The following GABRB2 variants were observed in gnomAD, a reference collection of about 807,000 sequenced individuals.
The protein encoded by GABRB2 is gamma-aminobutyric acid type A receptor subunit beta2, also known as gamma-aminobutyric acid receptor subunit beta-2.
In GABRB2, 16 loss-of-function variants were observed where a neutral mutation model predicts 54.7. The ratio of observed to expected loss-of-function variants is 0.29; its 90% CI spans 0.20 to 0.44. GABRB2 has a LOEUF of 0.44. Among genes scored for constraint, GABRB2 ranks in the 20% least tolerant of loss-of-function variants. GABRB2 has a pLI of 1.00. For missense variants in GABRB2, 355 were observed against 644.0 expected (o/e 0.55, Z 4.86); for synonymous variants, 244 against 233.8 (o/e 1.04, Z -0.40).
At chr5:161,537,498 A>G (rs1003683768) in intron 3 of GABRB2, among the ~76,000 whole-genome samples, 3 of 152,184 alleles carry the variant, frequency 2.0e-5, no homozygotes, top group African/African-American at 7.2e-5. Flanking sequence ...TCCCTACATC[A>G]GTAAAGGATA....
rs770848428 is a variant in GABRB2, at chr5:161,429,345, C to CAAAAAAAAAAA, written c.459-18299_459-18289dup. Among the ~76,000 whole-genome samples the CAAAAAAAAAAA allele has an allele frequency of 4.5e-3, 142 of 31,426 alleles. 15 individuals carry two copies. The highest frequency in any genetic ancestry group is 0.016 in the African/African-American group (118 of 7,198). 20.6% of individuals were successfully genotyped at this position (31,426 alleles called of 152,430 possible). On this transcript the variant is annotated intron_variant, in intron 4 of 9. Coordinates refer to ENST00000393959, the MANE Select transcript of GABRB2 (RefSeq NM_001371727.1). ...TGGGCGATAGAGCAAGAATCCGTCT[C>CAAAAAAAAAAA]AAAAAAAAAAAAAGAAAAAGAAAAA...
chr5:161,428,640 G>T (rs552369630), intron 4 of GABRB2, among the ~76,000 whole-genome samples: 6 of 152,144 alleles, frequency 3.9e-5, no homozygotes, highest in Admixed American at 3.3e-4. Context: ...TAATACACCT[G>T]AATGACAATA....
At position 161,498,520 on chromosome 5, in the gene GABRB2, C is replaced by T. The variant is rs140639660; in HGVS notation, c.238-38676G>A. 5.9e-3 allele frequency among the ~76,000 whole-genome samples: 898 copies of T among 152,188 alleles called. 5 individuals are homozygous for T. The highest frequency in any genetic ancestry group is 0.051 in the Middle Eastern group (15 of 294). On this transcript the variant is annotated intron_variant, in intron 3 of 9. Transcript: ENST00000393959. Reference sequence around the variant, plus strand: ...CCTACTAAATTCTTCTTGCAGGTACCCCTTTTCAAAGCCTATGCATTCATC... The same window carrying T: ...CCTACTAAATTCTTCTTGCAGGTACTCCTTTTCAAAGCCTATGCATTCATC...
At chr5:161,465,517 T>C (rs1210328613) in intron 3 of GABRB2, among the ~76,000 whole-genome samples, 25 of 152,144 alleles carry the variant, frequency 1.6e-4, no homozygotes, top group Admixed American at 1.6e-3. Context: ...TAAACACTTT[T>C]TGTTTTTGCT....
At chr5:161,448,525 A>T (rs1757701404) in intron 4 of GABRB2, among the ~76,000 whole-genome samples, 1 of 152,196 alleles carries the variant, frequency 6.6e-6, no homozygotes, top group Admixed American at 6.5e-5. Context: ...ATTTCCCTGC[A>T]GACCACTTTG....
At position 161,545,247 on chromosome 5, in the gene GABRB2, T is replaced by C; in HGVS notation, c.217A>G (p.Met73Val). The change falls in exon 3 of 10, where the codon ATG becomes GTG. Residue 73 changes from methionine (M) to valine (V), a missense_variant. Coordinates refer to ENST00000393959, the MANE Select transcript of GABRB2 (RefSeq NM_001371727.1). The stretch of plus-strand genomic sequence containing the variant: ...CTCACCATATTGACTTCAGAAACCA[T>C]ATCGATGCTGGCAATGTCAATGTTC... ...GMNIDIASID[M>V]VSEVNMDYTL... 6.2e-7 allele frequency: 1 copy of C among 1,607,220 alleles called. No homozygotes were observed. Among genetic ancestry groups the C allele is most frequent in the Non-Finnish European group, 8.5e-7 (1 of 1,177,366 alleles).
intron 3 of GABRB2, among the ~76,000 whole-genome samples, chr5:161,500,577 T>C (rs1230239180): frequency 6.6e-6 from 1 of 152,210 alleles, no homozygotes; most frequent in Non-Finnish European, 1.5e-5. Flanking sequence ...TCTCACTTTA[T>C]AATCCCTTTT....
chr5:161,303,928 G>A (rs1020512180), intron 9 of GABRB2, among the ~76,000 whole-genome samples: 16 of 152,066 alleles, frequency 1.1e-4, no homozygotes, highest in African/African-American at 3.9e-4. Flanking sequence ...CAACAAATTC[G>A]TGTTTCCTTT....
At chr5:161,526,421 T>C (rs1204731441) in intron 3 of GABRB2, among the ~76,000 whole-genome samples, 5 of 151,456 alleles carry the variant, frequency 3.3e-5, no homozygotes, top group Non-Finnish European at 7.4e-5. Flanking sequence ...ACACATTGTG[T>C]CAGTTAAGCT....
intron 5 of GABRB2, among the ~76,000 whole-genome samples, chr5:161,405,001 C>T (rs1032806706): frequency 2.0e-5 from 3 of 152,146 alleles, no homozygotes; most frequent in African/African-American, 7.2e-5. Context: ...CCAGCTGTAA[C>T]TGCTATGAAC....
chr5:161,473,665 C>A (rs1294866730), intron 3 of GABRB2, among the ~76,000 whole-genome samples: 10 of 152,010 alleles, frequency 6.6e-5, no homozygotes, highest in Admixed American at 6.6e-4. Context: ...CTCTCTCCTG[C>A]TGCTCTTACC....
At chr5:161,362,293 GT>G (rs1158110951) in intron 5 of GABRB2, among the ~76,000 whole-genome samples, 1 of 152,052 alleles carries the variant, frequency 6.6e-6, no homozygotes, top group Non-Finnish European at 1.5e-5. Context: ...ATGTAAAGTA[GT>G]TTTTTTCTAA....
At chr5:161,317,387 A>G (rs1758073955) in intron 9 of GABRB2, among the ~76,000 whole-genome samples, 1 of 152,092 alleles carries the variant, frequency 6.6e-6, no homozygotes, top group East Asian at 1.9e-4. Context: ...ATCCCGTCCC[A>G]CTCTCCAAAT....
rs76675853 is a variant in GABRB2 at position 161,539,901 on chromosome 5, T to C, written c.237+5326A>G. Among the ~76,000 whole-genome samples, 732 of 152,346 alleles carry C rather than the reference T, an allele frequency of 4.8e-3. 8 individuals carry two copies. Among genetic ancestry groups the C allele is most frequent in the African/African-American group, 0.017 (690 of 41,576 alleles). ...TACATACCGTAATTTTAAAATACTT[T>C]ATTGCTAGAAAATACTAACAATCAT... On this transcript the variant is annotated intron_variant, in intron 3 of 9. Coordinates refer to ENST00000393959, the MANE Select transcript of GABRB2 (RefSeq NM_001371727.1).
intron 4 of GABRB2, among the ~76,000 whole-genome samples, chr5:161,432,330 C>G (rs189302073): frequency 1.2e-4 from 18 of 152,296 alleles, no homozygotes; most frequent in African/African-American, 4.1e-4. Flanking sequence ...TGCTTTTTAT[C>G]ATATCAACAT....
chr5:161,455,313 C>T (rs1757919231), intron 4 of GABRB2, among the ~76,000 whole-genome samples: 5 of 152,140 alleles, frequency 3.3e-5, no homozygotes, highest in Admixed American at 2.6e-4. Flanking sequence ...TATCCGTGAT[C>T]ATGGATCTCA....
intron 4 of GABRB2, 84 bp downstream of exon 4, chr5:161,459,540 A>T: frequency 8.6e-7 from 1 of 1,163,518 alleles, no homozygotes; most frequent in Non-Finnish European, 1.3e-6. Flanking sequence ...AAAGATAAGG[A>T]AAATAGCACA....
At chr5:161,321,187 T>C (rs753602396) in intron 9 of GABRB2, among the ~76,000 whole-genome samples, 18 of 152,090 alleles carry the variant, frequency 1.2e-4, no homozygotes, top group Non-Finnish European at 2.9e-5. Context: ...TTATCTATGC[T>C]AATTTTATTA....
chr5:161,449,781 C>A (rs1484323951), intron 4 of GABRB2, among the ~76,000 whole-genome samples: 1 of 151,806 alleles, frequency 6.6e-6, no homozygotes, highest in East Asian at 1.9e-4. Context: ...AAGATACACA[C>A]ACACACATGC....
Sources: gnomAD v4.1 joint callset for allele counts (sites outside exome capture counted in the v4.1 genomes callset) on GRCh38, gnomAD v4.1.1 for gene constraint, MANE v1.5 for transcripts, NCBI Gene and HGNC (gene_info 2026-07-23, HGNC 2026-07-21) for gene names.